The following OXSR1 variants were observed in gnomAD, a reference collection of about 807,000 sequenced individuals.
OXSR1 encodes the protein serine/threonine-protein kinase OSR1.
OXSR1 carries 24 observed loss-of-function variants against 79.8 expected under a neutral mutation model. The observed-to-expected ratio is 0.30, with a 90% CI of 0.22 to 0.42. The LOEUF is 0.42. OXSR1 is among the 10% of genes least tolerant of loss of function. The pLI, the probability that OXSR1 is intolerant of heterozygous loss-of-function variation, is 1.00. For synonymous variants in OXSR1, 226 were observed against 209.2 expected (o/e 1.08, Z -0.69); for missense variants, 430 against 618.4 (o/e 0.70, Z 3.23).
In OXSR1 at chr3:38,253,123, A is replaced by AATG; in HGVS notation, c.*232_*233insATG. 1 of 536,612 alleles carries AATG rather than the reference A, an allele frequency of 1.9e-6. No individual in the cohort carries two copies. Among genetic ancestry groups the AATG allele is most frequent in the South Asian group, 2.3e-5 (1 of 43,256 alleles). The allele number at this position is 536,612 out of a possible 1,614,324, so 33.2% of individuals were successfully genotyped here. A position where few individuals can be genotyped will look rare whatever the true frequency, so the allele number is the denominator to read the frequency against. ...AGTTCCGTTAGTAAACTTACTTCAT[A>AATG]TGTCCCCTGTCTTCCTCCATCTGAG... is the stretch of plus-strand genomic sequence containing the variant. On this transcript the variant is annotated 3_prime_UTR_variant, in exon 18 of 18. Coordinates refer to ENST00000311806, the MANE Select transcript of OXSR1 (RefSeq NM_005109.3).
At chr3:38,180,871 C>T (rs1701772173) in intron 1 of OXSR1, among the ~76,000 whole-genome samples, 1 of 152,072 alleles carries the variant, frequency 6.6e-6, no homozygotes, top group Non-Finnish European at 1.5e-5. Context: ...TCTCCTCTGA[C>T]TGACCCTCCT....
rs1006810096 is a variant in OXSR1 at position 38,255,371 on chromosome 3, T to C, written c.*2480T>C. The C allele has an allele frequency of 6.5e-6, 1 of 152,702 alleles. No individual in the cohort carries two copies. The highest frequency in any genetic ancestry group is 1.5e-5 in the Non-Finnish European group (1 of 68,046). 9.5% of individuals were successfully genotyped at this position (152,702 alleles called of 1,614,324 possible). A position where few individuals can be genotyped will look rare whatever the true frequency, so the allele number is the denominator to read the frequency against. On this transcript the variant is annotated 3_prime_UTR_variant, in exon 18 of 18. Transcript: ENST00000311806. ...ACCAATAAGTGGAGATTCCTCCTTA[T>C]GATGTATGCTAGGTTATGGAAGATG...
chr3:38,253,597 T>G lies in OXSR1; in HGVS notation c.*706T>G, dbSNP rs912761816. 1.3e-5 allele frequency: 2 copies of G among 152,662 alleles called. No homozygotes were observed. Among genetic ancestry groups the G allele is most frequent in the African/African-American group, 4.8e-5 (2 of 41,452 alleles). 9.5% of individuals were successfully genotyped at this position (152,662 alleles called of 1,614,324 possible). A position where few individuals can be genotyped will look rare whatever the true frequency, so the allele number is the denominator to read the frequency against. ...TAGCCGAACTTCAGCCATCAGATCC[T>G]TCAAAGTGGAACTTTGGATTGTTTT... On this transcript the variant is annotated 3_prime_UTR_variant, in exon 18 of 18. Coordinates refer to ENST00000311806, the MANE Select transcript of OXSR1 (RefSeq NM_005109.3).
At chr3:38,226,582 A>G (rs964361478) in intron 8 of OXSR1, among the ~76,000 whole-genome samples, 30 of 152,216 alleles carry the variant, frequency 2.0e-4, no homozygotes, top group African/African-American at 7.2e-4. Flanking sequence ...TAATACATTG[A>G]TAAGACTGAT....
chr3:38,241,580 T>G (rs1442829971), intron 11 of OXSR1, among the ~76,000 whole-genome samples: 1 of 152,054 alleles, frequency 6.6e-6, no homozygotes, highest in Non-Finnish European at 1.5e-5. Context: ...ATATGCAACT[T>G]ATTCTCAAAT....
At chr3:38,227,802 A>G (rs932144020) in intron 8 of OXSR1, among the ~76,000 whole-genome samples, 3 of 152,078 alleles carry the variant, frequency 2.0e-5, no homozygotes, top group African/African-American at 7.2e-5. Context: ...AGCAAAGACA[A>G]ACTCCTACAG....
chr3:38,193,342 C>G, intron 3 of OXSR1: 1 of 1,288,672 alleles, frequency 7.8e-7, no homozygotes, highest in Non-Finnish European at 1.0e-6. Context: ...TGGTTGGAAG[C>G]TTTGCTAACA....
chr3:38,175,201 G>A (rs1054945666), intron 1 of OXSR1, among the ~76,000 whole-genome samples: 2 of 152,190 alleles, frequency 1.3e-5, no homozygotes, highest in African/African-American at 2.4e-5. Flanking sequence ...GCCTATTATA[G>A]TGATGGCTGG....
rs536941630 is a variant in OXSR1 at position 38,236,998 on chromosome 3, T to C, written c.1074+37T>C. 1.9e-6 allele frequency: 3 copies of C among 1,575,194 alleles called. No homozygotes were observed. In the Admixed American group the frequency reaches 5.3e-5, roughly 28 times the overall value. On this transcript the variant is annotated intron_variant, in intron 11 of 17. Transcript: ENST00000311806. ...TAAACTGTGTACTTTAGCTAGAACTTTTTGTAGTTCTTGTTCAGCTTAACC... is the reference window on the plus strand; with the variant it reads ...TAAACTGTGTACTTTAGCTAGAACTCTTTGTAGTTCTTGTTCAGCTTAACC...
At chr3:38,226,260 C>A (rs1702687107) in intron 8 of OXSR1, among the ~76,000 whole-genome samples, 1 of 151,936 alleles carries the variant, frequency 6.6e-6, no homozygotes, top group Non-Finnish European at 1.5e-5. Context: ...AGTTAGCAGA[C>A]ACAAGCAGAA....
At chr3:38,229,392 A>G (rs1392527886) in intron 8 of OXSR1, among the ~76,000 whole-genome samples, 2 of 151,814 alleles carry the variant, frequency 1.3e-5, no homozygotes, top group African/African-American at 4.8e-5. Context: ...ATTATTAAAT[A>G]GCAAATATAT....
intron 1 of OXSR1, among the ~76,000 whole-genome samples, chr3:38,170,563 G>A (rs1701559827): frequency 6.6e-6 from 1 of 151,926 alleles, no homozygotes; most frequent in Admixed American, 6.6e-5. Flanking sequence ...TTTGTGTATG[G>A]TGTGAAGTAA....
intron 5 of OXSR1, among the ~76,000 whole-genome samples, chr3:38,217,082 G>GA (rs963204268): frequency 5.3e-5 from 8 of 151,264 alleles, no homozygotes; most frequent in Non-Finnish European, 7.4e-5. Flanking sequence ...CTCACTGAGA[G>GA]AAAAAAAAAC....
intron 1 of OXSR1, among the ~76,000 whole-genome samples, chr3:38,174,024 GACA>G (rs1450807267): frequency 6.6e-6 from 1 of 152,204 alleles, no homozygotes; most frequent in Non-Finnish European, 1.5e-5. Flanking sequence ...CCAAGCAGAG[GACA>G]ACAAGAACAA....
At chr3:38,220,291 A>G (rs1027838718) in intron 5 of OXSR1, among the ~76,000 whole-genome samples, 1 of 152,198 alleles carries the variant, frequency 6.6e-6, no homozygotes, top group East Asian at 1.9e-4. Flanking sequence ...AAAGTTTGCC[A>G]TGCTAAAATT....
chr3:38,252,957 G>A lies in OXSR1; in HGVS notation c.*66G>A. ...ATGCGTATCTCTGTTGCTTCTATTG[G>A]CCTAAACCCACTACTGCCAAAGAAC... On this transcript the variant is annotated 3_prime_UTR_variant, in exon 18 of 18. Transcript: ENST00000311806. The A allele has an allele frequency of 7.5e-7, 1 of 1,333,810 alleles. No individual in the cohort carries two copies. Among genetic ancestry groups the A allele is most frequent in the Non-Finnish European group, 1.1e-6 (1 of 927,448 alleles). 82.6% of individuals were successfully genotyped at this position (1,333,810 alleles called of 1,614,324 possible). A position where few individuals can be genotyped will look rare whatever the true frequency, so the allele number is the denominator to read the frequency against.
chr3:38,240,149 A>G (rs558522284), intron 11 of OXSR1, among the ~76,000 whole-genome samples: 2 of 152,342 alleles, frequency 1.3e-5, no homozygotes, highest in East Asian at 3.9e-4. Context: ...TAACCTATGA[A>G]TATAGTATTT....
At chr3:38,227,680 G>A (rs549415877) in intron 8 of OXSR1, among the ~76,000 whole-genome samples, 1 of 151,952 alleles carries the variant, frequency 6.6e-6, no homozygotes, top group Non-Finnish European at 1.5e-5. Flanking sequence ...GAGAATTTTC[G>A]AGAGTTGATG....
At chr3:38,198,667 T>C (rs966723279) in intron 3 of OXSR1, 55 bp from the exon 4 acceptor site, 2 of 1,365,170 alleles carry the variant, frequency 1.5e-6, no homozygotes, top group Non-Finnish European at 2.0e-6. Flanking sequence ...AAAATGGATC[T>C]GAATTATATT....
Sources: allele counts gnomAD v4.1 joint callset (sites outside exome capture counted in the v4.1 genomes callset), GRCh38; gene constraint gnomAD v4.1.1; transcripts MANE v1.5; gene names NCBI Gene and HGNC (gene_info 2026-07-23, HGNC 2026-07-21).